Variants in GRID1 observed in about 807,000 individuals in gnomAD.
GRID1 encodes the protein glutamate receptor ionotropic, delta-1.
A neutral mutation model predicts 98.0 loss-of-function variants in GRID1; 28 were observed. The observed-to-expected ratio is 0.29, with a 90% CI of 0.21 to 0.39. The LOEUF (loss-of-function observed/expected upper bound fraction) is 0.39. Among genes scored for constraint, GRID1 ranks in the 10% least tolerant of loss-of-function variants. The pLI, the probability that GRID1 is intolerant of heterozygous loss-of-function variation, is 1.00. For missense variants in GRID1, 1,111 were observed against 1,340.5 expected (o/e 0.83, Z 2.67); for synonymous variants, 553 against 538.5 (o/e 1.03, Z -0.37).
chr10:85,724,529 A>G lies in GRID1; in HGVS notation c.1681T>C (p.Phe561Leu). Residue 561 changes from phenylalanine (F) to leucine (L), a missense_variant, in exon 11 of 16, where the codon TTT becomes CTT. This residue lies in a region of GRID1 where 762 missense variants were observed against 869.1 expected (regional missense o/e 0.88). Transcript: ENST00000327946. Reference protein sequence around the residue: ...KISIFSLFAPFDFAVWACIAA... With the variant: ...KISIFSLFAPLDFAVWACIAA... The stretch of plus-strand genomic sequence containing the variant: ...ATGCAGGCCCACACAGCGAAATCAA[A>G]TGGAGCAAAGAGGGAGAAGATGCTG... 1 of 1,614,046 alleles carries G rather than the reference A, an allele frequency of 6.2e-7. No homozygotes were observed. The highest frequency in any genetic ancestry group is 2.2e-5 in the East Asian group (1 of 44,878).
chr10:86,194,519 G>A (rs1845846873), intron 3 of GRID1, among the ~76,000 whole-genome samples: 1 of 152,164 alleles, frequency 6.6e-6, no homozygotes, highest in Admixed American at 6.5e-5. Context: ...CTCAAGAGAG[G>A]AAGGCAGATA....
intron 2 of GRID1, among the ~76,000 whole-genome samples, chr10:86,340,386 G>A (rs766622333): frequency 1.4e-4 from 21 of 152,166 alleles, no homozygotes; most frequent in African/African-American, 3.9e-4. Flanking sequence ...TGCAGAAAAC[G>A]TGCACCACGG....
chr10:85,857,176 G>T (rs1843119998), intron 6 of GRID1, among the ~76,000 whole-genome samples: 1 of 152,224 alleles, frequency 6.6e-6, no homozygotes, highest in African/African-American at 2.4e-5. Context: ...TTTGGGATTT[G>T]CAACTGTGCC....
In GRID1 at chr10:85,729,576, G is replaced by C; in HGVS notation, c.1272C>G (p.Ser424Arg). The change falls in exon 9 of 16, where the codon AGC becomes AGG. Residue 424 changes from serine to arginine, a missense_variant. This residue lies in a region of GRID1 where 762 missense variants were observed against 869.1 expected (regional missense o/e 0.88). Transcript: ENST00000327946. Reference sequence around the variant, plus strand: ...GGCTGCCCATGGGCCTCTCTTGCAAGCTGCCATTCAAGCCCTTCTCTGAGT... The same window carrying C: ...GGCTGCCCATGGGCCTCTCTTGCAACCTGCCATTCAAGCCCTTCTCTGAGT... ...TWDSEKGLNGSLQERPMGSRL... is the reference protein window; with the variant it reads ...TWDSEKGLNGRLQERPMGSRL... 6.2e-7 allele frequency: 1 copy of C among 1,613,136 alleles called. No homozygotes were observed. Among genetic ancestry groups the C allele is most frequent in the South Asian group, 1.1e-5 (1 of 90,988 alleles).
intron 4 of GRID1, among the ~76,000 whole-genome samples, chr10:85,932,909 GA>G (rs1405468631): frequency 6.6e-6 from 1 of 152,156 alleles, no homozygotes; most frequent in Non-Finnish European, 1.5e-5. Context: ...ACCAAGCCTG[GA>G]AAACTAGCTG....
At chr10:86,136,265 T>C (rs1386147411) in intron 4 of GRID1, among the ~76,000 whole-genome samples, 3 of 152,330 alleles carry the variant, frequency 2.0e-5, no homozygotes, top group South Asian at 2.1e-4. Flanking sequence ...TCCACATTTC[T>C]TCCCCACCAC....
chr10:85,726,621 G>C lies in GRID1; in HGVS notation c.1533+1234C>G, dbSNP rs117732020. ...AGAAAGGCACAGAAGCTGCAGAGAA[G>C]GATGGGCCTCAAATACACACACTAC... On this transcript the variant is annotated intron_variant, in intron 10 of 15. Transcript: ENST00000327946. Among the ~76,000 whole-genome samples the C allele has an allele frequency of 2.0e-5, 3 of 152,270 alleles. No homozygotes were observed. The East Asian group carries it at 5.8e-4, about 29-fold the overall frequency.
At chr10:85,857,399 G>A (rs1225073192) in intron 6 of GRID1, among the ~76,000 whole-genome samples, 1 of 152,112 alleles carries the variant, frequency 6.6e-6, no homozygotes, top group Non-Finnish European at 1.5e-5. Context: ...TATAGACCCC[G>A]ATCTGGATGT....
chr10:86,154,889 C>T (rs1213460060), intron 3 of GRID1, among the ~76,000 whole-genome samples: 2 of 152,214 alleles, frequency 1.3e-5, no homozygotes, highest in African/African-American at 4.8e-5. Context: ...GTACCAAGCC[C>T]CACACACTCC....
intron 2 of GRID1, among the ~76,000 whole-genome samples, chr10:86,256,908 G>A (rs1846928675): frequency 6.6e-6 from 1 of 152,286 alleles, no homozygotes; most frequent in Admixed American, 6.5e-5. Context: ...GTTCCCCAGT[G>A]AAGGACACAG....
chr10:86,351,800 G>A (rs1377016465), intron 2 of GRID1, among the ~76,000 whole-genome samples: 1 of 152,214 alleles, frequency 6.6e-6, no homozygotes, highest in African/African-American at 2.4e-5. Context: ...GTGACATCAT[G>A]AGAACAATAA....
At chr10:85,709,455 G>A (rs1486203856) in intron 12 of GRID1, among the ~76,000 whole-genome samples, 1 of 152,150 alleles carries the variant, frequency 6.6e-6, no homozygotes, top group African/African-American at 2.4e-5. Context: ...AAGACTAGTG[G>A]AACATACAAC....
At chr10:86,285,033 A>G (rs117142436) in intron 2 of GRID1, among the ~76,000 whole-genome samples, 2 of 152,256 alleles carry the variant, frequency 1.3e-5, no homozygotes, top group East Asian at 3.9e-4. Context: ...ACAGGTGGAC[A>G]GTCCTCCCTC....
chr10:86,142,740 G>A (rs534372946), intron 3 of GRID1, among the ~76,000 whole-genome samples: 2 of 152,370 alleles, frequency 1.3e-5, no homozygotes, highest in East Asian at 3.9e-4. Flanking sequence ...CCATGAGTAT[G>A]GTAGGGACAC....
intron 2 of GRID1, among the ~76,000 whole-genome samples, chr10:86,243,601 A>G (rs2132043613): frequency 6.6e-6 from 1 of 152,330 alleles, no homozygotes; most frequent in Non-Finnish European, 1.5e-5. Context: ...CAGTTCCTCT[A>G]TGCCAGGCCC....
intron 5 of GRID1, among the ~76,000 whole-genome samples, chr10:85,904,254 A>AG (rs1419683882): frequency 6.6e-6 from 1 of 152,260 alleles, no homozygotes; most frequent in Non-Finnish European, 1.5e-5. Flanking sequence ...CTATGAAAAA[A>AG]TAGTTTGCAA....
At chr10:86,334,069 C>A (rs572346735) in intron 2 of GRID1, among the ~76,000 whole-genome samples, 1 of 151,970 alleles carries the variant, frequency 6.6e-6, no homozygotes, top group African/African-American at 2.4e-5. Flanking sequence ...TCACCTCCTA[C>A]ATCACTCATG....
At chr10:86,172,386 A>T (rs544385818) in intron 3 of GRID1, among the ~76,000 whole-genome samples, 1 of 152,212 alleles carries the variant, frequency 6.6e-6, no homozygotes, top group Non-Finnish European at 1.5e-5. Flanking sequence ...TACATCAGGT[A>T]CATATTCATG....
chr10:86,229,806 A>G (rs76660732), intron 2 of GRID1, among the ~76,000 whole-genome samples: 2,098 of 152,120 alleles, frequency 0.014, 56 homozygotes, highest in African/African-American at 0.048. Context: ...CCCCCACTTC[A>G]CTAAGTCCTG....
Sources: allele counts gnomAD v4.1 joint callset (sites outside exome capture counted in the v4.1 genomes callset), GRCh38; gene constraint gnomAD v4.1.1; regional missense constraint gnomAD v4.1.1; transcripts MANE v1.5; gene names NCBI Gene and HGNC (gene_info 2026-07-23, HGNC 2026-07-21).